SLC25A30: variants seen among roughly 807,000 people sequenced by gnomAD.
SLC25A30 encodes the protein solute carrier family 25 member 30.
A neutral mutation model predicts 42.7 loss-of-function variants in SLC25A30; 29 were observed. That is an observed-to-expected ratio of 0.68 (90% CI 0.51 to 0.93). SLC25A30 has a LOEUF of 0.93. Among genes scored for constraint, SLC25A30 ranks in the 40% least tolerant of loss-of-function variants. The probability of loss-of-function intolerance (pLI) is 0.00; values close to 1 mark genes in which losing one functional copy is unlikely to be tolerated. For missense variants in SLC25A30, 300 were observed against 359.7 expected (o/e 0.83, Z 1.34); for synonymous variants, 124 against 131.0 (o/e 0.95, Z 0.37).
upstream of SLC25A30, among the ~76,000 whole-genome samples, chr13:45,421,621 C>G: frequency 6.6e-6 from 1 of 152,264 alleles, no homozygotes; most frequent in South Asian, 2.1e-4. Flanking sequence ...TTTATTAGCT[C>G]TCTGGCCTTG....
the SLC25A30 span, among the ~76,000 whole-genome samples, chr13:45,432,675 C>A: frequency 6.6e-6 from 1 of 150,446 alleles, no homozygotes; most frequent in South Asian, 2.1e-4. Flanking sequence ...TGGCTACTTA[C>A]TAATTATTAT....
intron 3 of SLC25A30, among the ~76,000 whole-genome samples, chr13:45,406,380 G>T (rs1271482326): frequency 6.6e-6 from 1 of 152,138 alleles, no homozygotes; most frequent in Non-Finnish European, 1.5e-5. Flanking sequence ...CCTCTAAAAC[G>T]ATTTCGTAAA....
chr13:45,424,827 A>C, the SLC25A30 span, among the ~76,000 whole-genome samples: 92 of 54,870 alleles, frequency 1.7e-3, 5 homozygotes, highest in African/African-American at 7.3e-3. Context: ...AATATATAAA[A>C]ATATATATAT....
chr13:45,417,829 C>A (rs1300458452), intron 1 of SLC25A30, among the ~76,000 whole-genome samples: 1 of 152,226 alleles, frequency 6.6e-6, no homozygotes, highest in Non-Finnish European at 1.5e-5. Context: ...TTCCTCCCAG[C>A]CTGTGTGCCA....
intron 9 of SLC25A30, 61 bp from the exon 10 acceptor site, chr13:45,396,076 AAC>A: frequency 1.9e-6 from 3 of 1,614,070 alleles, no homozygotes; most frequent in Non-Finnish European, 2.5e-6. Flanking sequence ...AGTGCATAAC[AAC>A]AGACTTACAA....
rs181554063 is a variant in SLC25A30, at chr13:45,413,897, G to A, written c.-55-2417C>T. 2.8e-3 allele frequency among the ~76,000 whole-genome samples: 428 copies of A among 152,168 alleles called. 3 individuals are homozygous for A. Among genetic ancestry groups the A allele is most frequent in the African/African-American group, 9.1e-3 (376 of 41,530 alleles). On this transcript the variant is annotated intron_variant, in intron 1 of 9. Transcript: ENST00000519676. Reference sequence around the variant, plus strand: ...AGATTTGGCTACTTTTTCCTCTGTCGGTTTTGATATTAAGTTTTCAGTTGG... The same window carrying A: ...AGATTTGGCTACTTTTTCCTCTGTCAGTTTTGATATTAAGTTTTCAGTTGG...
chr13:45,397,314 C>CA lies in SLC25A30; in HGVS notation c.777dup (p.Ala260CysfsTer4), dbSNP rs754868559. 3.7e-6 allele frequency: 6 copies of CA among 1,610,810 alleles called. No individual in the cohort carries two copies. The highest frequency in any genetic ancestry group is 4.2e-6 in the Non-Finnish European group (5 of 1,177,994). ...TTTGGCCAAAAGCCTTTATAGAGAG[C>CA]AAAAAACCCTTCATTCTTCCATGTC... On this transcript the variant is annotated frameshift_variant, in exon 9 of 10. Transcript: ENST00000519676. LOFTEE classifies it high-confidence loss of function.
rs143355088 is a variant in SLC25A30, at chr13:45,417,858, G to A, written c.-56+442C>T. ...TGTGCCACGAGCGATTCCGAATGTGGTGTGCCCTCTCCCACAGTGCGAAGC... is the reference window on the plus strand; with the variant it reads ...TGTGCCACGAGCGATTCCGAATGTGATGTGCCCTCTCCCACAGTGCGAAGC... On this transcript the variant is annotated intron_variant, in intron 1 of 9. Coordinates refer to ENST00000519676, the MANE Select transcript of SLC25A30 (RefSeq NM_001010875.4). Among the ~76,000 whole-genome samples the A allele has an allele frequency of 4.2e-3, 634 of 152,278 alleles. 8 individuals carry two copies. Among genetic ancestry groups the A allele is most frequent in the Non-Finnish European group, 7.0e-3 (476 of 68,026 alleles).
At chr13:45,429,563 C>G in the SLC25A30 span, among the ~76,000 whole-genome samples, 1 of 152,040 alleles carries the variant, frequency 6.6e-6, no homozygotes, top group Non-Finnish European at 1.5e-5. Context: ...GGCACAGTGG[C>G]TCATGGCTGT....
At chr13:45,417,130 C>T (rs1484704221) in intron 1 of SLC25A30, among the ~76,000 whole-genome samples, 1 of 152,198 alleles carries the variant, frequency 6.6e-6, no homozygotes, top group African/African-American at 2.4e-5. Context: ...TCTCCTGTCT[C>T]AACCTCCCGA....
In SLC25A30 at chr13:45,405,990, T is replaced by G; in HGVS notation, c.213-13A>C. ...CGCGGGGGCAATCCTGTTAAACCAA[T>G]GTACAAAGGGACAAAAGCAATCTAA... On this transcript the variant is annotated splice_polypyrimidine_tract_variant and intron_variant, in intron 3 of 9. Coordinates refer to ENST00000519676, the MANE Select transcript of SLC25A30 (RefSeq NM_001010875.4). 1.2e-6 allele frequency: 2 copies of G among 1,613,516 alleles called. No homozygotes were observed. Among genetic ancestry groups the G allele is most frequent in the Non-Finnish European group, 8.5e-7 (1 of 1,179,506 alleles).
the SLC25A30 span, among the ~76,000 whole-genome samples, chr13:45,425,436 G>C: frequency 2.8e-5 from 3 of 105,552 alleles, no homozygotes; most frequent in African/African-American, 1.1e-4. Flanking sequence ...ATAAATATAT[G>C]TATATATAAA....
At chr13:45,423,638 A>G in the SLC25A30 span, among the ~76,000 whole-genome samples, 54 of 103,562 alleles carry the variant, frequency 5.2e-4, 1 homozygote, top group Admixed American at 1.1e-3. Context: ...ATAAATATAT[A>G]TAAAATACAT....
chr13:45,430,456 G>T, the SLC25A30 span, among the ~76,000 whole-genome samples: 2 of 152,180 alleles, frequency 1.3e-5, no homozygotes, highest in Admixed American at 6.5e-5. Context: ...AATGGAGAAG[G>T]ATGAAGCAGA....
chr13:45,406,970 T>A (rs1882568257), intron 3 of SLC25A30, among the ~76,000 whole-genome samples: 1 of 152,176 alleles, frequency 6.6e-6, no homozygotes. Context: ...TCAACTGCCA[T>A]CTAAAGGCTG....
At chr13:45,411,071 C>T (rs1244104360) in intron 2 of SLC25A30, among the ~76,000 whole-genome samples, 2 of 151,840 alleles carry the variant, frequency 1.3e-5, no homozygotes, top group African/African-American at 2.4e-5. Flanking sequence ...TCCCGAGTAG[C>T]GGGGACTACA....
chr13:45,429,056 CTTTTTTTTTTTTTTTT>C, the SLC25A30 span, among the ~76,000 whole-genome samples: 713 of 93,864 alleles, frequency 7.6e-3, 2 homozygotes, highest in Middle Eastern at 0.036. Flanking sequence ...TGTGCAAGCT[CTTTTTTTTTTTTTTTT>C]TTTTTTTTTT....
chr13:45,411,036 C>T (rs1882968582), intron 2 of SLC25A30, among the ~76,000 whole-genome samples: 1 of 152,018 alleles, frequency 6.6e-6, no homozygotes. Flanking sequence ...ACCTCCTGGA[C>T]TCAAGCAATC....
intron 4 of SLC25A30, among the ~76,000 whole-genome samples, chr13:45,404,948 G>A (rs1365935740): frequency 2.0e-5 from 3 of 151,910 alleles, no homozygotes; most frequent in Non-Finnish European, 4.4e-5. Flanking sequence ...CTTGAGATAG[G>A]GTCTCACTCT....
Sources: allele counts gnomAD v4.1 joint callset (sites outside exome capture counted in the v4.1 genomes callset), GRCh38; gene constraint gnomAD v4.1.1; transcripts MANE v1.5; gene names NCBI Gene and HGNC (gene_info 2026-07-23, HGNC 2026-07-21).